Variants in ADGRB3 observed in about 807,000 individuals in gnomAD.
The protein encoded by ADGRB3 is brain-specific angiogenesis inhibitor 3.
A neutral mutation model predicts 193.4 loss-of-function variants in ADGRB3; 37 were observed. The ratio of observed to expected loss-of-function variants is 0.19; its 90% CI spans 0.15 to 0.25. The LOEUF (loss-of-function observed/expected upper bound fraction) is 0.25. Among genes scored for constraint, ADGRB3 ranks in the 10% least tolerant of loss-of-function variants. ADGRB3 has a pLI of 1.00. For missense variants in ADGRB3, 1,637 were observed against 1,852.9 expected (o/e 0.88, Z 2.14); for synonymous variants, 690 against 644.2 (o/e 1.07, Z -1.08).
intron 3 of ADGRB3, among the ~76,000 whole-genome samples, chr6:68,816,069 A>G (rs1767626605): frequency 6.6e-6 from 1 of 152,048 alleles, no homozygotes; most frequent in African/African-American, 2.4e-5. Flanking sequence ...AATTAAATAC[A>G]GTGGACAAAA....
chr6:68,814,623 C>G (rs1271144359), intron 3 of ADGRB3, among the ~76,000 whole-genome samples: 2 of 152,110 alleles, frequency 1.3e-5, no homozygotes, highest in African/African-American at 2.4e-5. Flanking sequence ...AGTCCTTGCC[C>G]ATGCCTATGT....
intron 3 of ADGRB3, among the ~76,000 whole-genome samples, chr6:68,798,240 G>T (rs899310080): frequency 1.3e-5 from 2 of 152,148 alleles, no homozygotes; most frequent in African/African-American, 4.8e-5. Context: ...TTTTAATTCA[G>T]TTTGGCAAAT....
intron 17 of ADGRB3, among the ~76,000 whole-genome samples, chr6:69,228,593 T>C (rs908922746): frequency 6.6e-6 from 1 of 152,186 alleles, no homozygotes; most frequent in African/African-American, 2.4e-5. Flanking sequence ...AGGCCCAACA[T>C]AGTGGATGAC....
intron 17 of ADGRB3, among the ~76,000 whole-genome samples, chr6:69,225,356 C>T (rs905404638): frequency 1.3e-5 from 2 of 152,040 alleles, no homozygotes; most frequent in African/African-American, 4.8e-5. Flanking sequence ...GTGAAATTCT[C>T]TCCACTTATT....
At chr6:69,352,092 A>AT (rs543366690) in intron 26 of ADGRB3, among the ~76,000 whole-genome samples, 8 of 152,016 alleles carry the variant, frequency 5.3e-5, no homozygotes, top group South Asian at 2.1e-4. Flanking sequence ...GGTTTCTAGG[A>AT]TTTTTTTTCT....
At chr6:68,743,353 G>T (rs112613081) in intron 3 of ADGRB3, among the ~76,000 whole-genome samples, 5,969 of 144,638 alleles carry the variant, frequency 0.041, 283 homozygotes, top group African/African-American at 0.11. Flanking sequence ...TTTTTTTTTT[G>T]TGTGTGTGTG....
chr6:68,854,046 A>G (rs1475819714), intron 3 of ADGRB3, among the ~76,000 whole-genome samples: 3 of 152,156 alleles, frequency 2.0e-5, no homozygotes, highest in Non-Finnish European at 2.9e-5. Context: ...AGTGATCTAT[A>G]TAAAAATGGC....
At chr6:68,921,095 G>T (rs1767031402) in intron 3 of ADGRB3, among the ~76,000 whole-genome samples, 1 of 151,938 alleles carries the variant, frequency 6.6e-6, no homozygotes. Flanking sequence ...TTAGGAAAAG[G>T]CAAAAAATAA....
At chr6:68,892,317 T>G (rs184307929) in intron 3 of ADGRB3, among the ~76,000 whole-genome samples, 4 of 152,210 alleles carry the variant, frequency 2.6e-5, no homozygotes, top group Non-Finnish European at 4.4e-5. Context: ...ACTCCATCCA[T>G]CTGAAGCCCT....
At chr6:69,209,911 G>C (rs556686754) in intron 17 of ADGRB3, among the ~76,000 whole-genome samples, 1 of 151,738 alleles carries the variant, frequency 6.6e-6, no homozygotes, top group South Asian at 2.1e-4. Flanking sequence ...GACTATCAGT[G>C]TTCTCCATAC....
intron 3 of ADGRB3, among the ~76,000 whole-genome samples, chr6:68,792,383 CATTAATGCTTGGCCTTGTTTCAGGGCCAT>C (rs1463599575): frequency 1.3e-5 from 2 of 152,172 alleles, no homozygotes; most frequent in Non-Finnish European, 2.9e-5. Flanking sequence ...GTCCTATGAG[CATTAATGCTTGGCCTTGTTTCAGGGCCAT>C]TATTGCTAAA....
At chr6:69,332,188 A>G (rs1768745538) in intron 23 of ADGRB3, 3 of 985,296 alleles carry the variant, frequency 3.0e-6, no homozygotes, top group Non-Finnish European at 3.6e-6. Flanking sequence ...ACATCTATGC[A>G]GTTTTTACAG....
chr6:69,308,318 G>A (rs551851756), intron 20 of ADGRB3, among the ~76,000 whole-genome samples: 37 of 151,432 alleles, frequency 2.4e-4, no homozygotes, highest in Admixed American at 2.4e-3. Flanking sequence ...TGAGGTACTA[G>A]GTATTAAATA....
At chr6:69,210,151 T>C (rs1187322167) in intron 17 of ADGRB3, among the ~76,000 whole-genome samples, 1 of 112,224 alleles carries the variant, frequency 8.9e-6, no homozygotes, top group Non-Finnish European at 1.8e-5. Flanking sequence ...ATATATATCA[T>C]ATATATATAT....
intron 30 of ADGRB3, among the ~76,000 whole-genome samples, chr6:69,381,682 C>T (rs1240216425): frequency 6.6e-6 from 1 of 151,900 alleles, no homozygotes; most frequent in Non-Finnish European, 1.5e-5. Flanking sequence ...TTAGGCATTA[C>T]AGCTCTCCCA....
In ADGRB3 at chr6:68,831,178, A is replaced by G. The variant is rs184951041; in HGVS notation, c.758-99381A>G. On this transcript the variant is annotated intron_variant, in intron 3 of 31. Transcript: ENST00000370598. ...AGGGGCACATTTGACAAAGCTATAGAGACACAATAAAAAACGTGGTGATGA... is the reference window on the plus strand; with the variant it reads ...AGGGGCACATTTGACAAAGCTATAGGGACACAATAAAAAACGTGGTGATGA... Among the ~76,000 whole-genome samples the G allele has an allele frequency of 6.3e-4, 96 of 151,998 alleles. 1 individual carries two copies. Among genetic ancestry groups the G allele is most frequent in the African/African-American group, 2.1e-3 (87 of 41,468 alleles).
At chr6:69,370,157 C>A (rs774072914) in intron 29 of ADGRB3, among the ~76,000 whole-genome samples, 5 of 152,252 alleles carry the variant, frequency 3.3e-5, no homozygotes, top group Non-Finnish European at 7.4e-5. Flanking sequence ...AATTTTAACT[C>A]CACTGACCCT....
At chr6:69,012,197 GT>G (rs968087716) in intron 11 of ADGRB3, among the ~76,000 whole-genome samples, 3 of 151,098 alleles carry the variant, frequency 2.0e-5, no homozygotes, top group African/African-American at 7.3e-5. Context: ...TTTGTGAAAT[GT>G]TTTTTTTTGT....
chr6:69,120,127 A>G (rs1773642916), intron 17 of ADGRB3, among the ~76,000 whole-genome samples: 1 of 152,242 alleles, frequency 6.6e-6, no homozygotes, highest in Admixed American at 6.5e-5. Context: ...GTTGCCATTA[A>G]GTAAAATGGA....
Sources: allele counts gnomAD v4.1 joint callset (sites outside exome capture counted in the v4.1 genomes callset), GRCh38; gene constraint gnomAD v4.1.1; transcripts MANE v1.5; gene names NCBI Gene and HGNC (gene_info 2026-07-23, HGNC 2026-07-21).